Variants in PCDH9 observed in about 807,000 individuals in gnomAD.
The protein encoded by PCDH9 is protocadherin 9.
In PCDH9, 24 loss-of-function variants were observed where a neutral mutation model predicts 70.6. That is an observed-to-expected ratio of 0.34 (90% CI 0.25 to 0.48). The LOEUF is 0.48. Ranked by LOEUF, PCDH9 falls within the 20% of genes least tolerant of loss-of-function variation. The probability of loss-of-function intolerance (pLI) is 0.99; values close to 1 mark genes in which losing one functional copy is unlikely to be tolerated. For synonymous variants in PCDH9, 562 were observed against 558.5 expected (o/e 1.01, Z -0.09); for missense variants, 1,281 against 1,503.6 (o/e 0.85, Z 2.45).
chr13:66,695,414 G>A (rs7335600), intron 3 of PCDH9, among the ~76,000 whole-genome samples: 117,910 of 152,086 alleles, frequency 0.78, 46,053 homozygotes, highest in East Asian at 0.92. Flanking sequence ...ATAAGTCTCA[G>A]TAATTATGAC....
At chr13:66,790,398 C>G (rs1335896886) in intron 3 of PCDH9, among the ~76,000 whole-genome samples, 2 of 151,984 alleles carry the variant, frequency 1.3e-5, no homozygotes, top group East Asian at 3.9e-4. Context: ...ACTCATTTTT[C>G]AATCACCTCT....
At chr13:67,101,982 T>C (rs2086445057) in intron 2 of PCDH9, among the ~76,000 whole-genome samples, 1 of 152,204 alleles carries the variant, frequency 6.6e-6, no homozygotes, top group Admixed American at 6.5e-5. Flanking sequence ...TACCGAGTCC[T>C]TGTTAAAATG....
intron 2 of PCDH9, among the ~76,000 whole-genome samples, chr13:67,059,885 G>GTTTT (rs56867131): frequency 7.7e-5 from 11 of 143,400 alleles, no homozygotes; most frequent in Non-Finnish European, 9.0e-5. Context: ...GTTTTTTGTT[G>GTTTT]TTTTTTTTTT....
At chr13:66,821,724 C>T (rs9540924) in intron 3 of PCDH9, among the ~76,000 whole-genome samples, 3 of 151,974 alleles carry the variant, frequency 2.0e-5, no homozygotes, top group Admixed American at 6.5e-5. Context: ...TTGTTTCATA[C>T]GAAATCATTA....
chr13:66,612,521 T>G lies in PCDH9; in HGVS notation c.3340+18689A>C, dbSNP rs2077305361. ...CCAGATAAAATACAGTAAGACCAGT[T>G]AAATTTGAATTTCAGAGTAATGACG... On this transcript the variant is annotated intron_variant, in intron 4 of 4. Transcript: ENST00000377865. Among the ~76,000 whole-genome samples, 3 of 152,358 alleles carry G rather than the reference T, an allele frequency of 2.0e-5. No individual in the cohort carries two copies. The South Asian group carries it at 6.2e-4, about 32-fold the overall frequency.
intron 2 of PCDH9, among the ~76,000 whole-genome samples, chr13:67,124,240 A>T (rs1271800742): frequency 6.6e-6 from 1 of 152,158 alleles, no homozygotes; most frequent in Non-Finnish European, 1.5e-5. Flanking sequence ...AAGCATGCTC[A>T]CTCAGGTGTT....
intron 3 of PCDH9, among the ~76,000 whole-genome samples, chr13:66,692,031 T>C (rs2078495045): frequency 1.3e-5 from 2 of 152,214 alleles, no homozygotes. Context: ...TGTGCTTCTG[T>C]ATCCTATTTA....
intron 4 of PCDH9, among the ~76,000 whole-genome samples, chr13:66,351,538 G>A (rs990224003): frequency 1.3e-5 from 2 of 151,984 alleles, no homozygotes; most frequent in African/African-American, 4.8e-5. Context: ...ATGAAAAATG[G>A]GAATAGCCTT....
chr13:67,175,202 T>C (rs2088417890), intron 2 of PCDH9, among the ~76,000 whole-genome samples: 1 of 152,168 alleles, frequency 6.6e-6, no homozygotes, highest in Non-Finnish European at 1.5e-5. Context: ...TGTTTATTCC[T>C]GAGAGACTTA....
intron 2 of PCDH9, among the ~76,000 whole-genome samples, chr13:67,080,404 T>G (rs1468903759): frequency 6.6e-6 from 1 of 152,134 alleles, no homozygotes; most frequent in Non-Finnish European, 1.5e-5. Flanking sequence ...AACACCAACT[T>G]TGGAGATTCA....
chr13:66,846,687 G>A (rs918263365), intron 3 of PCDH9, among the ~76,000 whole-genome samples: 2 of 152,066 alleles, frequency 1.3e-5, no homozygotes, highest in South Asian at 4.1e-4. Context: ...TTTGTATCAG[G>A]TGAATATCCA....
chr13:67,194,602 T>G (rs2089009516), intron 2 of PCDH9, among the ~76,000 whole-genome samples: 1 of 152,190 alleles, frequency 6.6e-6, no homozygotes, highest in Non-Finnish European at 1.5e-5. Context: ...ATGTGGTATA[T>G]TTTGCAATGT....
chr13:66,420,334 C>G (rs1189082756), intron 4 of PCDH9, among the ~76,000 whole-genome samples: 1 of 152,218 alleles, frequency 6.6e-6, no homozygotes, highest in Non-Finnish European at 1.5e-5. Context: ...AAGGGACAGA[C>G]TGCCTCCTCA....
At position 67,046,068 on chromosome 13, in the gene PCDH9, T is replaced by C. The variant is rs1380494598; in HGVS notation, c.3037-142463A>G. The stretch of plus-strand genomic sequence containing the variant: ...AATAGATAATCTTCATCTCAACAGA[T>C]TGTAATTCCACAATTGGCCAGTGGC... On this transcript the variant is annotated intron_variant, in intron 2 of 4. Transcript: ENST00000377865. Among the ~76,000 whole-genome samples the C allele has an allele frequency of 2.6e-5, 4 of 152,300 alleles. No homozygotes were observed. In the East Asian group the frequency reaches 7.7e-4, roughly 29 times the overall value.
chr13:66,385,009 T>G (rs1956906410), intron 4 of PCDH9, among the ~76,000 whole-genome samples: 1 of 152,080 alleles, frequency 6.6e-6, no homozygotes, highest in Non-Finnish European at 1.5e-5. Flanking sequence ...CATCTCTCAT[T>G]TCTTCACATT....
intron 2 of PCDH9, among the ~76,000 whole-genome samples, chr13:67,192,892 C>T (rs1335088586): frequency 2.0e-5 from 3 of 152,124 alleles, no homozygotes; most frequent in African/African-American, 7.2e-5. Flanking sequence ...ACGTAAGATA[C>T]TATTATCTTT....
intron 4 of PCDH9, among the ~76,000 whole-genome samples, chr13:66,458,819 C>T (rs2081023227): frequency 6.6e-6 from 1 of 151,934 alleles, no homozygotes; most frequent in East Asian, 1.9e-4. Flanking sequence ...ACCACTTAAA[C>T]TAAAAGTTAA....
chr13:66,719,525 C>T (rs1483184757), intron 3 of PCDH9, among the ~76,000 whole-genome samples: 1 of 152,102 alleles, frequency 6.6e-6, no homozygotes, highest in Non-Finnish European at 1.5e-5. Flanking sequence ...AGACACTGAA[C>T]CTGCTGGTAG....
chr13:66,854,858 G>A (rs2081368962), intron 3 of PCDH9, among the ~76,000 whole-genome samples: 1 of 152,022 alleles, frequency 6.6e-6, no homozygotes, highest in Non-Finnish European at 1.5e-5. Flanking sequence ...AAACAGAAAC[G>A]TATATAAAAC....
Sources: gnomAD v4.1 joint callset for allele counts (sites outside exome capture counted in the v4.1 genomes callset) on GRCh38, gnomAD v4.1.1 for gene constraint, MANE v1.5 for transcripts, NCBI Gene and HGNC (gene_info 2026-07-23, HGNC 2026-07-21) for gene names.